Variants in TRIP12 observed in about 807,000 individuals in gnomAD.
TRIP12 encodes the protein thyroid hormone receptor interactor 12, also known as E3 ubiquitin-protein ligase TRIP12.
A neutral mutation model predicts 244.2 loss-of-function variants in TRIP12; 25 were observed. That is an observed-to-expected ratio of 0.10 (90% confidence interval 0.07 to 0.14). TRIP12 has a LOEUF of 0.14. Among genes scored for constraint, TRIP12 ranks in the 10% least tolerant of loss-of-function variants. The pLI, the probability that TRIP12 is intolerant of heterozygous loss-of-function variation, is 1.00. For synonymous variants in TRIP12, 905 were observed against 873.1 expected, an observed-to-expected ratio of 1.04 and a Z score of -0.64; for missense variants, 1,677 against 2,486.4, an observed-to-expected ratio of 0.67 and a Z score of 6.92.
intron 8 of TRIP12, among the ~76,000 whole-genome samples, chr2:229,819,388 T>C (rs517261): frequency 0.64 from 97,123 of 151,818 alleles, 31,473 homozygotes; most frequent in East Asian, 0.77. Flanking sequence ...CCACTAAAAA[T>C]ACAAAAATTA....
At chr2:229,911,497 G>C (rs1439041908) in intron 1 of TRIP12, among the ~76,000 whole-genome samples, 1 of 152,180 alleles carries the variant, frequency 6.6e-6, no homozygotes, top group South Asian at 2.1e-4. Flanking sequence ...AACTGTGCTA[G>C]ATAGGAAGAG....
intron 38 of TRIP12, 61 bp downstream of exon 38, chr2:229,774,036 C>A (rs2035440701): frequency 1.3e-6 from 2 of 1,553,120 alleles, no homozygotes; most frequent in African/African-American, 1.4e-5. Flanking sequence ...AAGCAAGGTA[C>A]AATCAGGCAA....
chr2:229,853,602 A>G (rs1034998802), intron 4 of TRIP12, among the ~76,000 whole-genome samples: 1 of 152,154 alleles, frequency 6.6e-6, no homozygotes, highest in African/African-American at 2.4e-5. Flanking sequence ...GGATGCAGTG[A>G]GCAGAGATCA....
At chr2:229,814,185 A>C in intron 12 of TRIP12, 48 bp downstream of exon 12, 1 of 1,598,218 alleles carries the variant, frequency 6.3e-7, no homozygotes, top group Non-Finnish European at 8.6e-7. Flanking sequence ...TGGATTTTAA[A>C]AATTCTACAT....
intron 1 of TRIP12, among the ~76,000 whole-genome samples, chr2:229,882,439 C>T (rs1190127972): frequency 6.6e-6 from 1 of 152,084 alleles, no homozygotes; most frequent in Non-Finnish European, 1.5e-5. Context: ...GTCCCCTAAC[C>T]TCAGATCCTC....
At position 229,778,683 on chromosome 2, in the gene TRIP12, A is replaced by G; in HGVS notation, c.5210-96T>C. The G allele has an allele frequency of 1.3e-6, 2 of 1,516,332 alleles. No individual in the cohort carries two copies. The highest frequency in any genetic ancestry group is 1.8e-6 in the Non-Finnish European group (2 of 1,124,276). The allele number at this position is 1,516,332 out of a possible 1,614,324, so 93.9% of individuals were successfully genotyped here. ...ACATTTAAGAAATTAAGCATTCTCAAAATTGGAGTGCAGATCACTGAATGA... is the reference window on the plus strand; with the variant it reads ...ACATTTAAGAAATTAAGCATTCTCAGAATTGGAGTGCAGATCACTGAATGA... On this transcript the variant is annotated intron_variant, in intron 35 of 41. Coordinates refer to ENST00000675903, the MANE Select transcript of TRIP12 (RefSeq NM_001348323.3). This position sits in a 1 kb window ranked among gnomAD's most constrained non-coding sequence, Gnocchi z 4.1.
chr2:229,827,305 G>T (rs1222137901), intron 8 of TRIP12, among the ~76,000 whole-genome samples: 1 of 150,862 alleles, frequency 6.6e-6, no homozygotes, highest in Non-Finnish European at 1.5e-5. Context: ...AAAGAAAAAA[G>T]AAATTAACTT....
Position 229,847,489 on chromosome 2 carries a change from T to C in TRIP12, c.1028-6562A>G, listed in dbSNP as rs542155347. ...CTGTCTCCACATGAAATGCCACTAATACAGCATTAAAACAATCTGAGACAT... is the reference window on the plus strand; with the variant it reads ...CTGTCTCCACATGAAATGCCACTAACACAGCATTAAAACAATCTGAGACAT... On this transcript the variant is annotated intron_variant, in intron 4 of 41. Coordinates refer to ENST00000675903, the MANE Select transcript of TRIP12 (RefSeq NM_001348323.3). 9.4e-4 allele frequency among the ~76,000 whole-genome samples: 143 copies of C among 152,244 alleles called. 1 individual carries two copies. Among genetic ancestry groups the C allele is most frequent in the African/African-American group, 3.2e-3 (134 of 41,552 alleles).
In TRIP12 at chr2:229,788,875, T is replaced by G. The variant is rs752102518; in HGVS notation, c.4761A>C (p.Ala1587=). The change falls in exon 32 of 42, where the codon GCA becomes GCC. Residue 1587 remains alanine (A), a synonymous_variant. Coordinates refer to ENST00000675903, the MANE Select transcript of TRIP12 (RefSeq NM_001348323.3). ...CTAAAGGATCTTGAAGTTGCCTATT[T>G]GCTTTTGCTGTTAACTTACTGTTAA... ...EFINSKLTAK[A]NRQLQDPLVI... The G allele has an allele frequency of 3.1e-6, 5 of 1,614,086 alleles. No individual in the cohort carries two copies. The South Asian group carries it at 5.5e-5, about 18-fold the overall frequency.
Position 229,774,276 on chromosome 2 carries a change from T to C in TRIP12, c.5530-15A>G, listed in dbSNP as rs770811802. On this transcript the variant is annotated splice_polypyrimidine_tract_variant and intron_variant, in intron 37 of 41. Transcript: ENST00000675903. ...CTCTCTTTGGTCTAAAAAACACAAATGGGGGAGAAATGGTGTCAAGCAAAA... is the reference window on the plus strand; with the variant it reads ...CTCTCTTTGGTCTAAAAAACACAAACGGGGGAGAAATGGTGTCAAGCAAAA... 1.6e-5 allele frequency: 25 copies of C among 1,594,334 alleles called. No homozygotes were observed. Among genetic ancestry groups the C allele is most frequent in the Admixed American group, 1.3e-4 (7 of 55,036 alleles).
At chr2:229,882,877 CA>C (rs928955113) in intron 1 of TRIP12, among the ~76,000 whole-genome samples, 4 of 152,198 alleles carry the variant, frequency 2.6e-5, no homozygotes, top group African/African-American at 9.7e-5. Flanking sequence ...TATCAGCCAA[CA>C]GCCTATTTGT....
At chr2:229,769,026 GAGAA>G (rs1452845722) in intron 40 of TRIP12, among the ~76,000 whole-genome samples, 2 of 152,206 alleles carry the variant, frequency 1.3e-5, no homozygotes, top group Admixed American at 1.3e-4. Context: ...AGAAATACTT[GAGAA>G]AGAAACCCTT....
intron 1 of TRIP12, among the ~76,000 whole-genome samples, chr2:229,914,491 C>T (rs1184005509): frequency 6.6e-6 from 1 of 152,124 alleles, no homozygotes; most frequent in Non-Finnish European, 1.5e-5. Context: ...TCTCTATGAA[C>T]CTGCTCTCTA....
At chr2:229,894,734 C>T (rs1428175030) in intron 1 of TRIP12, among the ~76,000 whole-genome samples, 2 of 152,206 alleles carry the variant, frequency 1.3e-5, no homozygotes, top group Non-Finnish European at 2.9e-5. Context: ...AACTTCAAAT[C>T]CTACTGATCA....
In TRIP12 at chr2:229,820,950, C is replaced by T. The variant is rs535907873; in HGVS notation, c.1451-2438G>A. Among the ~76,000 whole-genome samples the T allele has an allele frequency of 6.0e-4, 91 of 152,248 alleles. 1 individual carries two copies. Among genetic ancestry groups the T allele is most frequent in the South Asian group, 1.5e-3 (7 of 4,820 alleles). On this transcript the variant is annotated intron_variant, in intron 8 of 41. Coordinates refer to ENST00000675903, the MANE Select transcript of TRIP12 (RefSeq NM_001348323.3). Reference sequence around the variant, plus strand: ...ATGTAGAACTCATGGATACAGAAAGCTAACTGTATTTATTTTTAAAATCCA... The same window carrying T: ...ATGTAGAACTCATGGATACAGAAAGTTAACTGTATTTATTTTTAAAATCCA...
At chr2:229,918,052 G>A (rs1236718215) in intron 1 of TRIP12, among the ~76,000 whole-genome samples, 1 of 151,972 alleles carries the variant, frequency 6.6e-6, no homozygotes, top group Non-Finnish European at 1.5e-5. Flanking sequence ...GTCCAATCAG[G>A]GAAACAAAAG....
chr2:229,920,154 G>A (rs1318753745), intron 1 of TRIP12, among the ~76,000 whole-genome samples: 2 of 152,016 alleles, frequency 1.3e-5, no homozygotes, highest in South Asian at 2.1e-4. Flanking sequence ...TGTTCTGAGC[G>A]TCGTTTTACC....
At chr2:229,769,190 C>G in intron 40 of TRIP12, 41 bp downstream of exon 40, 1 of 1,577,312 alleles carries the variant, frequency 6.3e-7, no homozygotes, top group Non-Finnish European at 8.7e-7. Context: ...TCTCCACATT[C>G]TTCAGAATCA....
chr2:229,814,392 CA>C, intron 11 of TRIP12, 67 bp from the exon 12 acceptor site: 1 of 1,484,446 alleles, frequency 6.7e-7, no homozygotes, highest in South Asian at 1.2e-5. Context: ...TTATCTTCTA[CA>C]TATTTTCTCT....
Sources: gnomAD v4.1 joint callset for allele counts (sites outside exome capture counted in the v4.1 genomes callset) on GRCh38, gnomAD v4.1.1 for gene constraint, Gnocchi (gnomAD v3.1) non-coding constraint, MANE v1.5 for transcripts, NCBI Gene and HGNC (gene_info 2026-07-23, HGNC 2026-07-21) for gene names.